The following PRRC2C variants were observed in gnomAD, a reference collection of about 807,000 sequenced individuals.
The protein encoded by PRRC2C is proline rich coiled-coil 2C.
In PRRC2C, 72 loss-of-function variants were observed where a neutral mutation model predicts 317.2. The observed-to-expected ratio is 0.23, with a 90% confidence interval of 0.19 to 0.28. The LOEUF is 0.28. Among genes scored for constraint, PRRC2C ranks in the 10% least tolerant of loss-of-function variants. PRRC2C has a pLI of 1.00. For missense variants in PRRC2C, 3,074 were observed against 3,459.7 expected (o/e 0.89, Z 2.80); for synonymous variants, 1,296 against 1,205.9 (o/e 1.07, Z -1.55).
intron 7 of PRRC2C, 79 bp downstream of exon 7, chr1:171,522,338 T>C: frequency 1.0e-6 from 1 of 977,654 alleles, no homozygotes; most frequent in Non-Finnish European, 1.6e-6. Flanking sequence ...GATTGTGTGA[T>C]TCTGAGTTGT....
At position 171,566,752 on chromosome 1, in the gene PRRC2C, C is replaced by G; in HGVS notation, c.6467C>G (p.Thr2156Arg). 6.2e-7 allele frequency: 1 copy of G among 1,613,630 alleles called. No homozygotes were observed. The highest frequency in any genetic ancestry group is 8.5e-7 in the Non-Finnish European group (1 of 1,179,786). The change falls in exon 22 of 35, where the codon ACG becomes AGG. Residue 2156 changes from threonine to arginine, a missense_variant. Coordinates refer to ENST00000647382, the MANE Select transcript of PRRC2C (RefSeq NM_001387844.1). ...ACAGTCAGAAGCACAGATCCTGTCA[C>G]GACAAAGGAGACTAAAGCAGTCTCA... ...PATVRSTDPV[T>R]TKETKAVSEM...
Position 171,587,688 on chromosome 1 carries a change from A to T in PRRC2C, c.8009A>T (p.Asp2670Val). 6.2e-7 allele frequency: 1 copy of T among 1,613,490 alleles called. No individual in the cohort carries two copies. Among genetic ancestry groups the T allele is most frequent in the Non-Finnish European group, 8.5e-7 (1 of 1,179,500 alleles). The change falls in exon 32 of 35, where the codon GAT (aspartate) becomes GTT (valine). Residue 2670 changes from aspartate to valine, a missense_variant. Transcript: ENST00000647382. ...MELKAFGSGI[D>V]IKPGTPPIAG... ...CTAAAAGCCTTTGGAAGTGGCATTG[A>T]TATAAAACCAGGCACACCTCCAATC...
intron 33 of PRRC2C, 74 bp downstream of exon 33, chr1:171,588,579 C>G: frequency 6.8e-7 from 1 of 1,469,040 alleles, no homozygotes; most frequent in Non-Finnish European, 9.3e-7. Context: ...TATTATCTTG[C>G]CTTATGTTAA....
At chr1:171,523,099 A>G (rs1673915569) in intron 7 of PRRC2C, 122 bp from the exon 8 acceptor site, 1 of 858,358 alleles carries the variant, frequency 1.2e-6, no homozygotes, top group African/African-American at 1.7e-5. Context: ...CATGCAGAAC[A>G]TATTAGGTAT....
chr1:171,513,779 CCTAT>C (rs1470247038), intron 3 of PRRC2C, among the ~76,000 whole-genome samples: 3 of 152,052 alleles, frequency 2.0e-5, no homozygotes, highest in East Asian at 1.9e-4. Context: ...TGTTTTCTTG[CCTAT>C]CTCTTATCAA....
chr1:171,497,823 G>T (rs1262512648), intron 1 of PRRC2C, among the ~76,000 whole-genome samples: 1 of 150,782 alleles, frequency 6.6e-6, no homozygotes, highest in African/African-American at 2.4e-5. Context: ...TTTTGGTGGG[G>T]CAGTGGGGGG....
rs1240806111 is a variant in PRRC2C at position 171,536,206 on chromosome 1, A to C, written c.2221A>C (p.Met741Leu). The C allele has an allele frequency of 5.6e-6, 9 of 1,613,450 alleles. No individual in the cohort carries two copies. The highest frequency in any genetic ancestry group is 6.8e-6 in the Non-Finnish European group (8 of 1,179,668). Residue 741 changes from methionine (M) to leucine (L), a missense_variant, in exon 14 of 35, where the codon ATG becomes CTG. Physicochemically the swap from Met to Leu is conservative, Grantham distance 15. This residue lies in a region of PRRC2C where 1,320 missense variants were observed against 1,395.7 expected (regional missense o/e 0.95). Transcript: ENST00000647382. ...ASMGFDPRWL[M>L]MQSYMDPRMM... The stretch of plus-strand genomic sequence containing the variant: ...TATGGGTTTTGATCCAAGGTGGCTC[A>C]TGATGCAGTCCTACATGGATCCTCG...
At position 171,566,164 on chromosome 1, in the gene PRRC2C, T is replaced by C. The variant is rs1683619232; in HGVS notation, c.6118-69T>C. ...AACCTTCTATTGTACTTAAACTGTA[T>C]AGTGCTTCATAAATCAGTCACATCT... On this transcript the variant is annotated intron_variant, in intron 20 of 34. Transcript: ENST00000647382. 3 of 1,279,872 alleles carry C rather than the reference T, an allele frequency of 2.3e-6. No individual in the cohort carries two copies. In the Admixed American group the frequency reaches 6.6e-5, roughly 28 times the overall value. The allele number at this position is 1,279,872 out of a possible 1,614,324, so 79.3% of individuals were successfully genotyped here.
chr1:171,524,895 C>A lies in PRRC2C; in HGVS notation c.1130C>A (p.Ser377Ter). 6.2e-7 allele frequency: 1 copy of A among 1,610,696 alleles called. No homozygotes were observed. Among genetic ancestry groups the A allele is most frequent in the Non-Finnish European group, 8.5e-7 (1 of 1,178,148 alleles). Residue 377 changes from serine (S) to a stop codon, truncating the protein, a stop_gained, in exon 10 of 35, where the codon TCA (serine) becomes TAA (stop). Coordinates refer to ENST00000647382, the MANE Select transcript of PRRC2C (RefSeq NM_001387844.1). LOFTEE classifies it high-confidence loss of function. ...ACAGATGAAGTTTCCAACACTAAAT[C>A]ATCTTCCCAAATACCTGCCCAACCA... Reference protein sequence around the residue: ...KETDEVSNTKSSSQIPAQPSV... With the variant: ...KETDEVSNTK
At chr1:171,554,730 T>A (rs1270649869) in intron 18 of PRRC2C, among the ~76,000 whole-genome samples, 1 of 152,258 alleles carries the variant, frequency 6.6e-6, no homozygotes, top group Non-Finnish European at 1.5e-5. Flanking sequence ...AAGCTTAGTT[T>A]GGCTGCATAT....
intron 18 of PRRC2C, among the ~76,000 whole-genome samples, chr1:171,551,078 C>A (rs1223239706): frequency 6.6e-6 from 1 of 152,150 alleles, no homozygotes; most frequent in Non-Finnish European, 1.5e-5. Flanking sequence ...GTTTACACTC[C>A]CACCAGCAGT....
chr1:171,543,165 C>G (rs1306131547), intron 16 of PRRC2C, among the ~76,000 whole-genome samples: 1 of 149,670 alleles, frequency 6.7e-6, no homozygotes, highest in Non-Finnish European at 1.5e-5. Context: ...GTCAGGATAT[C>G]GAGACCATCC....
intron 3 of PRRC2C, 102 bp downstream of exon 3, chr1:171,513,274 C>T: frequency 3.4e-6 from 4 of 1,182,204 alleles, no homozygotes; most frequent in Non-Finnish European, 4.7e-6. Flanking sequence ...GTCTGTATTA[C>T]ATATTACATA....
chr1:171,553,696 T>A (rs1022503336), intron 18 of PRRC2C, among the ~76,000 whole-genome samples: 4 of 152,224 alleles, frequency 2.6e-5, no homozygotes, highest in Non-Finnish European at 5.9e-5. Flanking sequence ...TCAATGAACA[T>A]CTTTATTTCT....
chr1:171,589,815 T>C (rs1263162797), intron 34 of PRRC2C, among the ~76,000 whole-genome samples: 1 of 151,884 alleles, frequency 6.6e-6, no homozygotes, highest in Non-Finnish European at 1.5e-5. Flanking sequence ...TCTTTTTCTT[T>C]TTCTTTTTTT....
rs1651627113 is a variant in PRRC2C at position 171,592,463 on chromosome 1, A to T, written c.*616A>T. On this transcript the variant is annotated 3_prime_UTR_variant, in exon 35 of 35. Coordinates refer to ENST00000647382, the MANE Select transcript of PRRC2C (RefSeq NM_001387844.1). ...CTTCTTCCTGGATGAATGAGCAGAT[A>T]AATATTGATGTCAGCATCCTTGAAC... 6.6e-6 allele frequency: 1 copy of T among 152,300 alleles called. No homozygotes were observed. The highest frequency in any genetic ancestry group is 6.5e-5 in the Admixed American group (1 of 15,286). The allele number at this position is 152,300 out of a possible 1,614,324, so 9.4% of individuals were successfully genotyped here. A position where few individuals can be genotyped will look rare whatever the true frequency, so the allele number is the denominator to read the frequency against.
In PRRC2C at chr1:171,536,076, A is replaced by G. The variant is rs1019891589; in HGVS notation, c.2091A>G (p.Val697=). ...GGCAGCAGCAGCAACAGCAAGGTGT[A>G]CTTCCACAGACTGTTCCTTCACAAC... ...QQWQQQQQQG[V]LPQTVPSQPS... Residue 697 remains valine, a synonymous_variant, in exon 14 of 35, where the codon GTA becomes GTG. Transcript: ENST00000647382. 2.6e-6 allele frequency: 4 copies of G among 1,553,380 alleles called. No homozygotes were observed. The highest frequency in any genetic ancestry group is 2.7e-5 in the African/African-American group (2 of 73,224).
In PRRC2C at chr1:171,555,951, A is replaced by C. The variant is rs142412479; in HGVS notation, c.5128-1289A>C. On this transcript the variant is annotated intron_variant, in intron 18 of 34. Coordinates refer to ENST00000647382, the MANE Select transcript of PRRC2C (RefSeq NM_001387844.1). ...TGCTGGGAGAACCACTGCCCTCTTCAGAGCAGTCAGACAGGGACTTTTAAG... is the reference window on the plus strand; with the variant it reads ...TGCTGGGAGAACCACTGCCCTCTTCCGAGCAGTCAGACAGGGACTTTTAAG... Among the ~76,000 whole-genome samples, 11 of 152,346 alleles carry C rather than the reference A, an allele frequency of 7.2e-5. No individual in the cohort carries two copies. In the East Asian group the frequency reaches 1.9e-3, roughly 27 times the overall value.
rs767331930 is a variant in PRRC2C, at chr1:171,523,369, T to G, written c.967+15T>G. 7 of 1,613,820 alleles carry G rather than the reference T, an allele frequency of 4.3e-6. No homozygotes were observed. Among genetic ancestry groups the G allele is most frequent in the African/African-American group, 2.7e-5 (2 of 74,916 alleles). ...AGGTTGGGCAGGTAAGAGGCAAAAT[T>G]AATTAAGTCCTTTAAATTGTTAGAT... On this transcript the variant is annotated intron_variant, in intron 8 of 34. Transcript: ENST00000647382.
Sources: allele counts gnomAD v4.1 joint callset (sites outside exome capture counted in the v4.1 genomes callset), GRCh38; gene constraint gnomAD v4.1.1; regional missense constraint gnomAD v4.1.1; transcripts MANE v1.5; gene names NCBI Gene and HGNC (gene_info 2026-07-23, HGNC 2026-07-21).